Variants in CD22 observed in about 807,000 individuals in gnomAD.
CD22 encodes CD22 molecule, also known as B-cell receptor CD22.
In CD22, 51 loss-of-function variants were observed where a neutral mutation model predicts 94.7. The ratio of observed to expected loss-of-function variants is 0.54; its 90% CI spans 0.43 to 0.68. The LOEUF (loss-of-function observed/expected upper bound fraction) is 0.68, where lower values mean the gene tolerates loss of function less well. Ranked by LOEUF, CD22 falls within the 30% of genes least tolerant of loss-of-function variation. The pLI, the probability that CD22 is intolerant of heterozygous loss-of-function variation, is 0.00. For synonymous variants in CD22, 424 were observed against 422.5 expected (o/e 1.00, Z -0.04); for missense variants, 931 against 1,060.4 (o/e 0.88, Z 1.69).
At chr19:35,334,275 C>T (rs2066686698) in intron 3 of CD22, among the ~76,000 whole-genome samples, 1 of 152,158 alleles carries the variant, frequency 6.6e-6, no homozygotes, top group Non-Finnish European at 1.5e-5. Flanking sequence ...GTTCATTTAT[C>T]TTGCAGGCAG....
chr19:35,335,747 C>T (rs1006623313), intron 3 of CD22, among the ~76,000 whole-genome samples: 24 of 151,518 alleles, frequency 1.6e-4, no homozygotes, highest in Admixed American at 9.2e-4. Flanking sequence ...CCCAGCTACT[C>T]GGGAGGCTGA....
chr19:35,337,670 C>G lies in CD22; in HGVS notation c.719-85C>G. 8.0e-7 allele frequency: 1 copy of G among 1,243,634 alleles called. No individual in the cohort carries two copies. Among genetic ancestry groups the G allele is most frequent in the East Asian group, 2.5e-5 (1 of 40,056 alleles). The allele number at this position is 1,243,634 out of a possible 1,614,324, so 77.0% of individuals were successfully genotyped here. A position where few individuals can be genotyped will look rare whatever the true frequency, so the allele number is the denominator to read the frequency against. On this transcript the variant is annotated intron_variant, in intron 4 of 13. Transcript: ENST00000085219. This position sits in a 1 kb window ranked among gnomAD's most constrained non-coding sequence, Gnocchi z 4.4. ...GGGTGAAGGGACTGGCAGGCCATGG[C>G]TTTGTCAGAATAAAAGCACTTTCCA...
chr19:35,345,421 A>AG, intron 11 of CD22, 181 bp from the exon 12 acceptor site: 1 of 114,704 alleles, frequency 8.7e-6, no homozygotes, highest in South Asian at 2.8e-4. Context: ...ACTCTGCCTC[A>AG]AAAAAAAAAA....
rs1221045580 is a variant in CD22, at chr19:35,336,302, AAG to A, written c.680_681del (p.Lys227IlefsTer5). On this transcript the variant is annotated frameshift_variant, in exon 4 of 14. Transcript: ENST00000085219. LOFTEE classifies it high-confidence loss of function. Reference sequence around the variant, plus strand: ...CTGCCAGCTTCAGGATGCAGATGGGAAGTTCCTCTCCAATGACACGGTGCAGC... The same window carrying A: ...CTGCCAGCTTCAGGATGCAGATGGGATTCCTCTCCAATGACACGGTGCAGC... ...VTCQLQDADG[K>X]FLSNDTVQLN... 1.2e-6 allele frequency: 2 copies of A among 1,614,060 alleles called. No homozygotes were observed.
chr19:35,339,548 C>A (rs935898631), intron 6 of CD22, among the ~76,000 whole-genome samples: 1 of 151,166 alleles, frequency 6.6e-6, no homozygotes, highest in Non-Finnish European at 1.5e-5. Flanking sequence ...CTGAGTGAGA[C>A]CTTGTCTCAA....
chr19:35,339,596 C>T (rs568036937), intron 6 of CD22, among the ~76,000 whole-genome samples: 2 of 149,434 alleles, frequency 1.3e-5, no homozygotes, highest in African/African-American at 4.9e-5. Flanking sequence ...TGGCTTACGC[C>T]TGTAATCCCA....
chr19:35,346,800 GCACACACACACACACACGCACACA>G lies in CD22; in HGVS notation c.*117_*140del, dbSNP rs1185154907. On this transcript the variant is annotated 3_prime_UTR_variant, in exon 14 of 14. Coordinates refer to ENST00000085219, the MANE Select transcript of CD22 (RefSeq NM_001771.4). ...ATGGCTTCCTCCTGCGCGCATGTGC[GCACACACACACACACACGCACACA>G]CACACACACACACTCACTGCGGAGA... The G allele has an allele frequency of 1.4e-5, 13 of 907,842 alleles. No homozygotes were observed. The highest frequency in any genetic ancestry group is 2.1e-5 in the Non-Finnish European group (13 of 618,550). The allele number at this position is 907,842 out of a possible 1,614,324, so 56.2% of individuals were successfully genotyped here. A position where few individuals can be genotyped will look rare whatever the true frequency, so the allele number is the denominator to read the frequency against.
At position 35,332,768 on chromosome 19, in the gene CD22, C is replaced by A. The variant is rs762071219; in HGVS notation, c.256C>A (p.Pro86Thr). The A allele has an allele frequency of 1.5e-5, 24 of 1,614,042 alleles. No homozygotes were observed. Among genetic ancestry groups the A allele is most frequent in the Non-Finnish European group, 1.9e-5 (22 of 1,180,038 alleles). Residue 86 changes from proline to threonine, a missense_variant, in exon 3 of 14, where the codon CCT becomes ACT. Coordinates refer to ENST00000085219, the MANE Select transcript of CD22 (RefSeq NM_001771.4). Reference sequence around the variant, plus strand: ...TGAAAGCACAAAGGATGGGAAGGTTCCTTCTGAGCAGAAAAGGGTGCAATT... The same window carrying A: ...TGAAAGCACAAAGGATGGGAAGGTTACTTCTGAGCAGAAAAGGGTGCAATT... ...LYESTKDGKV[P>T]SEQKRVQFLG...
rs763199951 is a variant in CD22, at chr19:35,338,033, G to C, written c.985+12G>C. 1 of 1,599,580 alleles carries C rather than the reference G, an allele frequency of 6.3e-7. No homozygotes were observed. Among genetic ancestry groups the C allele is most frequent in the Non-Finnish European group, 8.5e-7 (1 of 1,170,972 alleles). On this transcript the variant is annotated intron_variant, in intron 5 of 13. Coordinates refer to ENST00000085219, the MANE Select transcript of CD22 (RefSeq NM_001771.4). ...CCTGCAAGTGCAGTGTGAGCCCCTC[G>C]GAGCTGGGGACAGGCCAGGCAGGGA...
chr19:35,340,774 G>T lies in CD22; in HGVS notation c.1250-107G>T, dbSNP rs1232729675. ...ACAAGCCCCCCTTTGATTAATTTAG[G>T]ACCTGTGCAGATGCCCGGGACAGGT... On this transcript the variant is annotated intron_variant, in intron 6 of 13. Transcript: ENST00000085219. The T allele has an allele frequency of 3.3e-6, 4 of 1,216,162 alleles. No homozygotes were observed. The African/African-American group carries it at 6.0e-5, about 18-fold the overall frequency. The allele number at this position is 1,216,162 out of a possible 1,614,324, so 75.3% of individuals were successfully genotyped here.
rs1375187230 is a variant in CD22, at chr19:35,347,275, G to A, written c.*578G>A. The A allele has an allele frequency of 3.3e-5, 5 of 152,756 alleles. No homozygotes were observed. The highest frequency in any genetic ancestry group is 3.3e-4 in the Admixed American group (5 of 15,316). 9.5% of individuals were successfully genotyped at this position (152,756 alleles called of 1,614,324 possible). A position where few individuals can be genotyped will look rare whatever the true frequency, so the allele number is the denominator to read the frequency against. The stretch of plus-strand genomic sequence containing the variant: ...GCGGCCCCTTGACTCTGGGGACTCC[G>A]GGTTTGAGATGGACACACTGGTGTG... On this transcript the variant is annotated 3_prime_UTR_variant, in exon 14 of 14. Transcript: ENST00000085219.
Position 35,345,628 on chromosome 19 carries a change from C to T in CD22, c.2235C>T (p.Gly745=), listed in dbSNP as rs1450896621. ...KKVRRAPLSE[G]PHSLGCYNPM... The stretch of plus-strand genomic sequence containing the variant: ...TTAGAAGGGCCCCCCTCTCTGAAGG[C>T]CCCCACTCCCTGGGATGCTACAATC... Residue 745 remains glycine (G), a synonymous_variant, in exon 12 of 14, where the codon GGC becomes GGT. Coordinates refer to ENST00000085219, the MANE Select transcript of CD22 (RefSeq NM_001771.4). The T allele has an allele frequency of 2.5e-6, 4 of 1,611,986 alleles. No homozygotes were observed. Among genetic ancestry groups the T allele is most frequent in the Admixed American group, 1.7e-5 (1 of 59,978 alleles).
chr19:35,334,551 G>A (rs1156839632), intron 3 of CD22, among the ~76,000 whole-genome samples: 2 of 152,182 alleles, frequency 1.3e-5, no homozygotes, highest in Admixed American at 6.5e-5. Context: ...ACCGTTTCCC[G>A]GATGGGCAGT....
In CD22 at chr19:35,338,398, C is replaced by T; in HGVS notation, c.1216C>T (p.Gln406Ter). Residue 406 changes from glutamine (Q) to a stop codon, truncating the protein, a stop_gained, in exon 6 of 14, where the codon CAG becomes TAG. Coordinates refer to ENST00000085219, the MANE Select transcript of CD22 (RefSeq NM_001771.4). LOFTEE classifies it high-confidence loss of function. ...GGCAGAAAACATTCTTGGTACTGGA[C>T]AGAGGGGCCCGGGAGCTGAGCTGGA... ...CVAENILGTG[Q>*]RGPGAELDVQ... 6.2e-7 allele frequency: 1 copy of T among 1,613,932 alleles called. No homozygotes were observed. Among genetic ancestry groups the T allele is most frequent in the Non-Finnish European group, 8.5e-7 (1 of 1,179,896 alleles).
Position 35,336,086 on chromosome 19 carries a change from CA to C in CD22, c.464del (p.Gln155ArgfsTer5). The C allele has an allele frequency of 6.2e-7, 1 of 1,614,010 alleles. No homozygotes were observed. The highest frequency in any genetic ancestry group is 8.5e-7 in the Non-Finnish European group (1 of 1,179,946). ...IQLPPEIQES[Q>X]EVTLTCLLNF... ...GCTCCCTCCAGAAATTCAAGAGTCC[CA>C]GGAAGTCACTCTGACCTGCTTGCTG... On this transcript the variant is annotated frameshift_variant, in exon 4 of 14. Coordinates refer to ENST00000085219, the MANE Select transcript of CD22 (RefSeq NM_001771.4). LOFTEE classifies it high-confidence loss of function.
At chr19:35,333,168 T>C (rs1050132847) in intron 3 of CD22, 52 of 516,654 alleles carry the variant, frequency 1.0e-4, no homozygotes, top group African/African-American at 9.1e-4. Flanking sequence ...TCTCCTGATC[T>C]TTCCCTCTTT....
intron 3 of CD22, 72 bp downstream of exon 3, chr19:35,332,996 G>T: frequency 6.6e-7 from 1 of 1,506,654 alleles, no homozygotes; most frequent in South Asian, 1.3e-5. Flanking sequence ...CCTGACTCCT[G>T]GCACAGAGCT....
In CD22 at chr19:35,346,575, G is replaced by A; in HGVS notation, c.2422G>A (p.Glu808Lys). The change falls in exon 14 of 14, where the codon GAG (glutamate) becomes AAG (lysine). Residue 808 changes from glutamate (E) to lysine (K), a missense_variant. Physicochemically the swap from Glu to Lys is moderately conservative, Grantham distance 56. Transcript: ENST00000085219. The stretch of plus-strand genomic sequence containing the variant: ...CATGCGGTTTTCTCAGGGCGACTAT[G>A]AGAACGTCATTCCAGATTTTCCAGA... ...ALHKRQVGDY[E>K]NVIPDFPEDE... The A allele has an allele frequency of 6.2e-7, 1 of 1,602,440 alleles. No homozygotes were observed. The highest frequency in any genetic ancestry group is 8.5e-7 in the Non-Finnish European group (1 of 1,173,624).
At position 35,337,937 on chromosome 19, in the gene CD22, A is replaced by G. The variant is rs1438294364; in HGVS notation, c.901A>G (p.Lys301Glu). ...TFTLNLREVTKDQSGKYCCQV... is the reference protein window; with the variant it reads ...TFTLNLREVTEDQSGKYCCQV... Reference sequence around the variant, plus strand: ...CACGCTAAACCTGCGCGAAGTGACCAAGGACCAGAGTGGGAAGTACTGCTG... The same window carrying G: ...CACGCTAAACCTGCGCGAAGTGACCGAGGACCAGAGTGGGAAGTACTGCTG... Residue 301 changes from lysine to glutamate, a missense_variant, in exon 5 of 14, where the codon AAG becomes GAG. By Grantham distance (56) the Lys-to-Glu change is moderately conservative. Transcript: ENST00000085219. This position sits in a 1 kb window ranked among gnomAD's most constrained non-coding sequence, Gnocchi z 4.4. 1.6e-5 allele frequency: 26 copies of G among 1,614,104 alleles called. No individual in the cohort carries two copies. Among genetic ancestry groups the G allele is most frequent in the Non-Finnish European group, 2.2e-5 (26 of 1,180,046 alleles).
Sources: allele counts gnomAD v4.1 joint callset (sites outside exome capture counted in the v4.1 genomes callset), GRCh38; gene constraint gnomAD v4.1.1; non-coding constraint Gnocchi (gnomAD v3.1); transcripts MANE v1.5; gene names NCBI Gene and HGNC (gene_info 2026-07-23, HGNC 2026-07-21).